FSTL5: variants seen among roughly 807,000 people sequenced by gnomAD.
The protein encoded by FSTL5 is follistatin like 5.
FSTL5 carries 62 observed loss-of-function variants against 89.1 expected under a neutral mutation model. The ratio of observed to expected loss-of-function variants is 0.70; its 90% confidence interval spans 0.57 to 0.86. The LOEUF is 0.86. Ranked by LOEUF, FSTL5 falls within the 40% of genes least tolerant of loss-of-function variation. The pLI, the probability that FSTL5 is intolerant of heterozygous loss-of-function variation, is 0.00. For synonymous variants in FSTL5, 383 were observed against 346.2 expected (o/e 1.11, Z -1.18); for missense variants, 1,057 against 1,001.6 (o/e 1.06, Z -0.75).
At chr4:161,790,541 A>T (rs1329571635) in intron 4 of FSTL5, among the ~76,000 whole-genome samples, 1 of 152,200 alleles carries the variant, frequency 6.6e-6, no homozygotes, top group Non-Finnish European at 1.5e-5. Flanking sequence ...AAAGCTTTTT[A>T]TTATGAATTC....
At chr4:161,432,953 A>T (rs1417263434) in intron 15 of FSTL5, among the ~76,000 whole-genome samples, 2 of 152,040 alleles carry the variant, frequency 1.3e-5, no homozygotes, top group Non-Finnish European at 2.9e-5. Context: ...CTTTGAGCAA[A>T]GAAAAGCCCA....
At position 161,560,718 on chromosome 4, in the gene FSTL5, G is replaced by A. The variant is rs150985084; in HGVS notation, c.1016-18025C>T. On this transcript the variant is annotated intron_variant, in intron 8 of 15. Transcript: ENST00000306100. ...GTCTTTATCTATATCACTGTCTTCC[G>A]CCTCCACGTCTTGTCTCACTGGAAG... Among the ~76,000 whole-genome samples the A allele has an allele frequency of 4.3e-3, 653 of 151,832 alleles. 1 individual carries two copies. Among genetic ancestry groups the A allele is most frequent in the African/African-American group, 0.015 (619 of 41,470 alleles).
intron 2 of FSTL5, among the ~76,000 whole-genome samples, chr4:162,053,688 T>G (rs1197990082): frequency 6.6e-6 from 1 of 151,764 alleles, no homozygotes; most frequent in Non-Finnish European, 1.5e-5. Flanking sequence ...TTAGGATAGT[T>G]TGAAAATAAA....
chr4:161,886,690 A>G (rs1011053694), intron 4 of FSTL5, among the ~76,000 whole-genome samples: 5 of 152,198 alleles, frequency 3.3e-5, no homozygotes, highest in Non-Finnish European at 5.9e-5. Flanking sequence ...GAAAGTCAAC[A>G]TTAATAATTC....
At chr4:161,546,640 C>T (rs183938872) in intron 8 of FSTL5, among the ~76,000 whole-genome samples, 17 of 151,884 alleles carry the variant, frequency 1.1e-4, no homozygotes, top group Admixed American at 5.3e-4. Context: ...TTTCTGGAAA[C>T]GCAAGCATCT....
At chr4:161,928,032 C>T (rs1734176740) in intron 3 of FSTL5, among the ~76,000 whole-genome samples, 1 of 151,664 alleles carries the variant, frequency 6.6e-6, no homozygotes, top group African/African-American at 2.4e-5. Flanking sequence ...TCAATTTTTC[C>T]AGACCATTAT....
intron 3 of FSTL5, among the ~76,000 whole-genome samples, chr4:162,031,076 C>T (rs1185734736): frequency 6.6e-6 from 1 of 152,160 alleles, no homozygotes; most frequent in Non-Finnish European, 1.5e-5. Context: ...CCCTTACTTT[C>T]AAATCTGTAG....
intron 14 of FSTL5, among the ~76,000 whole-genome samples, chr4:161,458,759 G>A (rs2126408394): frequency 6.6e-6 from 1 of 152,180 alleles, no homozygotes; most frequent in South Asian, 2.1e-4. Context: ...ACAACTTCAA[G>A]GCAGAGGCAA....
intron 3 of FSTL5, among the ~76,000 whole-genome samples, chr4:162,011,555 G>A (rs1736767834): frequency 6.6e-6 from 1 of 151,816 alleles, no homozygotes; most frequent in East Asian, 1.9e-4. Context: ...GTGCAGTGGT[G>A]CGATTTTGGC....
chr4:162,046,859 G>A (rs1738201530), intron 2 of FSTL5, among the ~76,000 whole-genome samples: 1 of 152,098 alleles, frequency 6.6e-6, no homozygotes, highest in Middle Eastern at 3.4e-3. Context: ...AATAGATTTG[G>A]GTTTCTAATT....
At chr4:161,511,929 G>A (rs1392139779) in intron 10 of FSTL5, among the ~76,000 whole-genome samples, 2 of 151,918 alleles carry the variant, frequency 1.3e-5, no homozygotes, top group Non-Finnish European at 2.9e-5. Context: ...AGTGCTGTGC[G>A]GTGTAGGGGG....
chr4:162,103,810 C>T (rs561375559), intron 2 of FSTL5, among the ~76,000 whole-genome samples: 2 of 152,284 alleles, frequency 1.3e-5, no homozygotes, highest in African/African-American at 4.8e-5. Flanking sequence ...ACTTAGCTCA[C>T]ACCCGACCAA....
intron 11 of FSTL5, among the ~76,000 whole-genome samples, chr4:161,504,913 G>A (rs1343086359): frequency 1.3e-5 from 2 of 151,960 alleles, no homozygotes; most frequent in Non-Finnish European, 2.9e-5. Context: ...ATCATTGGAT[G>A]CATGTTTATG....
chr4:161,976,113 G>A (rs1281971015), intron 3 of FSTL5, among the ~76,000 whole-genome samples: 3 of 85,588 alleles, frequency 3.5e-5, no homozygotes, highest in African/African-American at 5.2e-5. Flanking sequence ...GCGAGACTCC[G>A]CCTCAAAAAA....
intron 15 of FSTL5, chr4:161,387,344 G>C (rs894410964): frequency 2.6e-5 from 4 of 151,862 alleles, no homozygotes; most frequent in Admixed American, 2.6e-4. Context: ...CCTTCTAATA[G>C]TTCTAAAAGC....
chr4:162,126,909 T>A (rs1732102982), intron 1 of FSTL5, among the ~76,000 whole-genome samples: 1 of 152,198 alleles, frequency 6.6e-6, no homozygotes, highest in Non-Finnish European at 1.5e-5. Flanking sequence ...ATGCTGATAC[T>A]GGCAACTTTT....
intron 5 of FSTL5, among the ~76,000 whole-genome samples, chr4:161,770,474 A>G (rs1033845411): frequency 2.1e-4 from 32 of 151,956 alleles, no homozygotes; most frequent in African/African-American, 6.8e-4. Flanking sequence ...ATGTATATAT[A>G]CCTACTATGT....
intron 4 of FSTL5, among the ~76,000 whole-genome samples, chr4:161,894,822 C>A (rs1022296126): frequency 6.6e-5 from 10 of 152,102 alleles, no homozygotes; most frequent in African/African-American, 2.4e-4. Flanking sequence ...CATATTTATA[C>A]CAGATCCCTT....
intron 2 of FSTL5, among the ~76,000 whole-genome samples, chr4:162,040,352 C>T (rs979571272): frequency 7.9e-5 from 12 of 152,014 alleles, no homozygotes; most frequent in African/African-American, 2.7e-4. Flanking sequence ...TAGATCCAGT[C>T]TCCAATAATC....
Sources: gnomAD v4.1 joint callset for allele counts (sites outside exome capture counted in the v4.1 genomes callset) on GRCh38, gnomAD v4.1.1 for gene constraint, MANE v1.5 for transcripts, NCBI Gene and HGNC (gene_info 2026-07-23, HGNC 2026-07-21) for gene names.